The following AUTS2 variants were observed in gnomAD, a reference collection of about 807,000 sequenced individuals.
AUTS2 encodes the protein activator of transcription and developmental regulator AUTS2.
A neutral mutation model predicts 112.4 loss-of-function variants in AUTS2; 17 were observed. The observed-to-expected ratio is 0.15, with a 90% CI of 0.10 to 0.23. The LOEUF (loss-of-function observed/expected upper bound fraction) is 0.23, where lower values mean the gene tolerates loss of function less well. AUTS2 is among the 10% of genes least tolerant of loss of function. The pLI is 1.00. For synonymous variants in AUTS2, 751 were observed against 702.7 expected (o/e 1.07, Z -1.09); for missense variants, 1,510 against 1,701.6 (o/e 0.89, Z 1.98).
At chr7:69,831,508 T>A (rs929559257) in intron 1 of AUTS2, among the ~76,000 whole-genome samples, 2 of 152,246 alleles carry the variant, frequency 1.3e-5, no homozygotes, top group East Asian at 3.9e-4. Context: ...GCTACTTTGA[T>A]CTTCCCAGGG....
At chr7:70,318,117 A>G (rs1403492416) in intron 4 of AUTS2, among the ~76,000 whole-genome samples, 1 of 152,134 alleles carries the variant, frequency 6.6e-6, no homozygotes, top group African/African-American at 2.4e-5. Flanking sequence ...TTATAAATCT[A>G]TTATGCATGT....
chr7:70,733,623 G>T (rs1477143199), intron 6 of AUTS2, among the ~76,000 whole-genome samples: 1 of 140,876 alleles, frequency 7.1e-6, no homozygotes, highest in African/African-American at 2.7e-5. Context: ...GTCTCACTCT[G>T]TCACCCAGGC....
intron 4 of AUTS2, among the ~76,000 whole-genome samples, chr7:70,213,483 C>A (rs1413863139): frequency 1.3e-5 from 2 of 149,702 alleles, no homozygotes; most frequent in Non-Finnish European, 2.9e-5. Flanking sequence ...TTGCAGGAAG[C>A]TATGATCCTA....
At position 70,118,124 on chromosome 7, in the gene AUTS2, G is replaced by A. The variant is rs757104164; in HGVS notation, c.523-8G>A. 4.4e-6 allele frequency: 7 copies of A among 1,575,446 alleles called. No individual in the cohort carries two copies. In the South Asian group the frequency reaches 5.9e-5, roughly 13 times the overall value. On this transcript the variant is annotated splice_polypyrimidine_tract_variant and splice_region_variant and intron_variant, in intron 2 of 18. Coordinates refer to ENST00000342771, the MANE Select transcript of AUTS2 (RefSeq NM_015570.4). Reference sequence around the variant, plus strand: ...TTTTTCCTTTTTTCTCTTTTCTTTTGCCTTTAGCTCAAGCCAGGACAGAAC... The same window carrying A: ...TTTTTCCTTTTTTCTCTTTTCTTTTACCTTTAGCTCAAGCCAGGACAGAAC...
chr7:69,873,319 C>T (rs1217936936), intron 1 of AUTS2, among the ~76,000 whole-genome samples: 3 of 151,894 alleles, frequency 2.0e-5, no homozygotes, highest in East Asian at 3.9e-4. Flanking sequence ...AATTTAGTAA[C>T]CTTACTTGGT....
At chr7:70,376,594 C>A (rs905355734) in intron 4 of AUTS2, among the ~76,000 whole-genome samples, 1 of 151,504 alleles carries the variant, frequency 6.6e-6, no homozygotes. Context: ...GGTCACTGGC[C>A]GTCTCAGGAG....
chr7:70,788,470 T>C (rs1322822756), intron 18 of AUTS2, among the ~76,000 whole-genome samples: 1 of 152,186 alleles, frequency 6.6e-6, no homozygotes, highest in Non-Finnish European at 1.5e-5. Context: ...GGGAGGAATG[T>C]TTATGACATT....
At chr7:69,966,402 A>G (rs2129547477) in intron 2 of AUTS2, among the ~76,000 whole-genome samples, 1 of 152,324 alleles carries the variant, frequency 6.6e-6, no homozygotes, top group Admixed American at 6.5e-5. Context: ...GAGGGAGCAC[A>G]AAGCAACTGA....
chr7:70,367,884 C>T (rs1245660757), intron 4 of AUTS2, among the ~76,000 whole-genome samples: 3 of 152,076 alleles, frequency 2.0e-5, no homozygotes, highest in Admixed American at 6.5e-5. Context: ...AGAGTAGAGA[C>T]TGGGTTAGAA....
In AUTS2 at chr7:70,784,858, G is replaced by A. The variant is rs994907589; in HGVS notation, c.2147-84G>A. ...ACCTCCCTTGAACATATTTTCTCAC[G>A]GGGCCCTTAAGCAAGTAGAAGCCGG... On this transcript the variant is annotated intron_variant, in intron 15 of 18. Transcript: ENST00000342771. The A allele has an allele frequency of 2.0e-5, 24 of 1,228,108 alleles. 1 individual carries two copies. The highest frequency in any genetic ancestry group is 5.0e-5 in the South Asian group (4 of 79,712). The allele number at this position is 1,228,108 out of a possible 1,614,324, so 76.1% of individuals were successfully genotyped here.
intron 2 of AUTS2, among the ~76,000 whole-genome samples, chr7:70,093,404 C>G (rs1342487701): frequency 6.6e-6 from 1 of 152,098 alleles, no homozygotes; most frequent in Non-Finnish European, 1.5e-5. Flanking sequence ...TCAGTAATAC[C>G]CATGGGCCTA....
intron 4 of AUTS2, among the ~76,000 whole-genome samples, chr7:70,233,924 A>G (rs1584912189): frequency 6.6e-6 from 1 of 152,208 alleles, no homozygotes; most frequent in Non-Finnish European, 1.5e-5. Flanking sequence ...ACCTTTCCTG[A>G]TTGTCATACA....
At chr7:69,886,165 G>A (rs1223242201) in intron 1 of AUTS2, among the ~76,000 whole-genome samples, 1 of 152,204 alleles carries the variant, frequency 6.6e-6, no homozygotes, top group Non-Finnish European at 1.5e-5. Context: ...CTGCCCTTGA[G>A]AAGCCAATCA....
At chr7:70,630,071 C>T (rs543957659) in intron 5 of AUTS2, among the ~76,000 whole-genome samples, 34 of 152,166 alleles carry the variant, frequency 2.2e-4, no homozygotes, top group Admixed American at 1.0e-3. Context: ...CAGCTTGGAT[C>T]GCAAAAGGGC....
At chr7:69,959,694 T>A (rs888012352) in intron 2 of AUTS2, among the ~76,000 whole-genome samples, 7 of 152,166 alleles carry the variant, frequency 4.6e-5, no homozygotes, top group Admixed American at 4.6e-4. Context: ...AGAAATACCT[T>A]TCTGAACTAT....
At chr7:70,677,179 C>G (rs1807957624) in intron 5 of AUTS2, among the ~76,000 whole-genome samples, 1 of 152,202 alleles carries the variant, frequency 6.6e-6, no homozygotes, top group Non-Finnish European at 1.5e-5. Context: ...GTCTGTGACT[C>G]CTTCCCCAGC....
intron 2 of AUTS2, among the ~76,000 whole-genome samples, chr7:70,028,592 A>G (rs749080859): frequency 1.3e-5 from 2 of 152,154 alleles, no homozygotes; most frequent in African/African-American, 4.8e-5. Flanking sequence ...CGTCACTTCT[A>G]TGGACATATC....
intron 2 of AUTS2, among the ~76,000 whole-genome samples, chr7:70,105,103 G>A (rs1037962127): frequency 2.6e-5 from 4 of 152,164 alleles, no homozygotes; most frequent in African/African-American, 9.7e-5. Flanking sequence ...CTGCTGGCAT[G>A]GGTTCTAGTC....
intron 1 of AUTS2, among the ~76,000 whole-genome samples, chr7:69,605,202 C>T (rs1196512176): frequency 6.6e-6 from 1 of 152,182 alleles, no homozygotes; most frequent in Non-Finnish European, 1.5e-5. Flanking sequence ...CTGGTGATCT[C>T]TGAGTCTGGG....
Sources: allele counts gnomAD v4.1 joint callset (sites outside exome capture counted in the v4.1 genomes callset), GRCh38; gene constraint gnomAD v4.1.1; transcripts MANE v1.5; gene names NCBI Gene and HGNC (gene_info 2026-07-23, HGNC 2026-07-21).